Variants in ZNF185 observed in about 807,000 individuals in gnomAD.
The protein encoded by ZNF185 is zinc finger protein 185.
In ZNF185, 56 loss-of-function variants were observed where a neutral mutation model predicts 58.6. The observed-to-expected ratio is 0.95, with a 90% CI of 0.77 to 1.19. ZNF185 has a LOEUF of 1.19. ZNF185 is among the 50% of genes most tolerant of loss of function. The pLI is 0.00. For synonymous variants in ZNF185, 230 were observed against 215.9 expected (o/e 1.07, Z -0.57); for missense variants, 627 against 573.5 (o/e 1.09, Z -0.95).
At chrX:152,935,824 C>G (rs1556881182) in intron 14 of ZNF185, among the ~76,000 whole-genome samples, 1 of 111,877 alleles carries the variant, frequency 8.9e-6, no homozygotes, top group South Asian at 3.7e-4. Context: ...AGGGCACAGG[C>G]TTGTATAGGC....
At chrX:152,942,761 A>G (rs781961785) in intron 15 of ZNF185, among the ~76,000 whole-genome samples, 29 of 111,261 alleles carry the variant, frequency 2.6e-4, no homozygotes, top group African/African-American at 8.8e-4. Flanking sequence ...TAGGCACCAC[A>G]TTTCCTCACC....
At chrX:152,948,771 A>G (rs1603288155) in intron 16 of ZNF185, among the ~76,000 whole-genome samples, 1 of 112,484 alleles carries the variant, frequency 8.9e-6, no homozygotes, top group Middle Eastern at 4.6e-3. Context: ...GATGGGCAGG[A>G]TCAGAACTTT....
At chrX:152,906,108 C>T in the ZNF185 span, among the ~76,000 whole-genome samples, 1 of 112,452 alleles carries the variant, frequency 8.9e-6, no homozygotes, top group African/African-American at 3.2e-5. Context: ...AAGGATTTGC[C>T]CAGGGCAGCA....
chrX:152,910,157 C>T (rs1371141334), upstream of ZNF185, among the ~76,000 whole-genome samples: 4 of 111,248 alleles, frequency 3.6e-5, no homozygotes, highest in Non-Finnish European at 7.5e-5. Context: ...ATCCACCCAC[C>T]TTGGCCTCCC....
At chrX:152,972,854 T>A (rs2050729774) in exon 23 of ZNF185, 1 of 112,031 alleles carries the variant, frequency 8.9e-6, no homozygotes, top group Admixed American at 9.5e-5. Flanking sequence ...AGAGTATTTC[T>A]GATACAAAAT....
intron 15 of ZNF185, among the ~76,000 whole-genome samples, chrX:152,942,096 G>A (rs1286177133): frequency 1.1e-5 from 1 of 92,427 alleles, no homozygotes; most frequent in Non-Finnish European, 2.2e-5. Context: ...GGGCTGGTCT[G>A]TGGGGCAGTG....
At position 152,920,212 on chromosome X, in the gene ZNF185, C is replaced by T. The variant is rs969278563; in HGVS notation, c.531-116C>T. Reference sequence around the variant, plus strand: ...GAGCAGGTGCAAATCTGGTTTCTCTCACCCCTTGCCTCCCTGGGGTGGCCC... The same window carrying T: ...GAGCAGGTGCAAATCTGGTTTCTCTTACCCCTTGCCTCCCTGGGGTGGCCC... On this transcript the variant is annotated intron_variant, in intron 7 of 22. Transcript: ENST00000449285. 7.0e-5 allele frequency: 43 copies of T among 612,062 alleles called. 1 individual carries two copies. The highest frequency in any genetic ancestry group is 1.1e-4 in the Non-Finnish European group (42 of 399,488). The allele number at this position is 612,062 out of a possible 1,213,427, so 50.4% of individuals were successfully genotyped here.
exon 23 of ZNF185, chrX:152,971,345 C>G (rs1455137573): frequency 9.0e-6 from 1 of 111,409 alleles, no homozygotes; most frequent in African/African-American, 3.3e-5. Flanking sequence ...AGTTTTGCCC[C>G]AAGTTGCTGT....
intron 16 of ZNF185, among the ~76,000 whole-genome samples, chrX:152,959,007 T>G (rs182333101): frequency 6.7e-4 from 75 of 112,216 alleles, no homozygotes; most frequent in East Asian, 2.0e-3. Flanking sequence ...AGAAAATGGT[T>G]GTTTTGGGCG....
chrX:152,967,136 G>T, intron 19 of ZNF185, 31 bp from the exon 22 acceptor site: 1 of 1,193,803 alleles, frequency 8.4e-7, no homozygotes. Flanking sequence ...TCTCATCTCT[G>T]CCCTCCTCTC....
chrX:152,964,623 C>T (rs2049923595), intron 18 of ZNF185, among the ~76,000 whole-genome samples: 1 of 112,155 alleles, frequency 8.9e-6, no homozygotes, highest in African/African-American at 3.2e-5. Flanking sequence ...CCAAGCCCCA[C>T]CTCCAACACT....
intron 9 of ZNF185, among the ~76,000 whole-genome samples, chrX:152,921,204 G>A (rs190909409): frequency 1.8e-3 from 207 of 112,164 alleles, no homozygotes; most frequent in Admixed American, 2.6e-3. Flanking sequence ...TACTCCAGCT[G>A]AATGAGGGAG....
chrX:152,909,053 G>T, the ZNF185 span, among the ~76,000 whole-genome samples: 5 of 113,024 alleles, frequency 4.4e-5, no homozygotes, highest in African/African-American at 1.3e-4. Flanking sequence ...TGGCCGCTTT[G>T]CTGGGACCTG....
intron 15 of ZNF185, among the ~76,000 whole-genome samples, chrX:152,944,405 G>A: frequency 8.9e-6 from 1 of 112,545 alleles, no homozygotes; most frequent in East Asian, 2.8e-4. Context: ...CTAGGATCGA[G>A]GTGATGGCGA....
chrX:152,948,812 C>T (rs2048024199), intron 16 of ZNF185, among the ~76,000 whole-genome samples: 1 of 111,732 alleles, frequency 8.9e-6, no homozygotes, highest in African/African-American at 3.3e-5. Context: ...GATTTTCTTT[C>T]GAGGGCAAAG....
At chrX:152,944,402 C>T (rs2047566088) in intron 15 of ZNF185, among the ~76,000 whole-genome samples, 1 of 112,194 alleles carries the variant, frequency 8.9e-6, no homozygotes, top group Admixed American at 9.4e-5. Flanking sequence ...GAGCTAGGAT[C>T]GAGGTGATGG....
chrX:152,959,989 GC>G, intron 17 of ZNF185, 93 bp downstream of exon 19: 1 of 902,299 alleles, frequency 1.1e-6, no homozygotes, highest in East Asian at 3.4e-5. Context: ...CACTAGGCAT[GC>G]CTGTTTATCC....
chrX:152,915,696 T>C (rs1325917502), intron 3 of ZNF185, among the ~76,000 whole-genome samples: 1 of 112,412 alleles, frequency 8.9e-6, no homozygotes, highest in Non-Finnish European at 1.9e-5. Context: ...AAGTTTACCG[T>C]GACATATTTT....
At chrX:152,918,343 G>A (rs1938946063) in intron 6 of ZNF185, among the ~76,000 whole-genome samples, 189 bp downstream of exon 7, 1 of 113,183 alleles carries the variant, frequency 8.8e-6, no homozygotes, top group Admixed American at 9.3e-5. Flanking sequence ...CAGAAAACTG[G>A]ATGGCTGTGC....
Sources: allele counts gnomAD v4.1 joint callset (sites outside exome capture counted in the v4.1 genomes callset), GRCh38; gene constraint gnomAD v4.1.1; transcripts MANE v1.5; gene names NCBI Gene and HGNC (gene_info 2026-07-23, HGNC 2026-07-21).